UBL3: variants seen among roughly 807,000 people sequenced by gnomAD.
UBL3 encodes the protein ubiquitin-like protein 3.
In UBL3, 6 loss-of-function variants were observed where a neutral mutation model predicts 18.4. That is an observed-to-expected ratio of 0.33 (90% CI 0.18 to 0.64). The LOEUF (loss-of-function observed/expected upper bound fraction) is 0.64, where lower values mean the gene tolerates loss of function less well. Ranked by LOEUF, UBL3 falls within the 30% of genes least tolerant of loss-of-function variation. The pLI is 0.76. For missense variants in UBL3, 109 were observed against 142.9 expected, an observed-to-expected ratio of 0.76 and a Z score of 1.21; for synonymous variants, 49 against 46.6, an observed-to-expected ratio of 1.05 and a Z score of -0.21.
At chr13:29,807,858 A>C (rs1877935503) in intron 1 of UBL3, among the ~76,000 whole-genome samples, 1 of 152,234 alleles carries the variant, frequency 6.6e-6, no homozygotes, top group African/African-American at 2.4e-5. Flanking sequence ...GGGAGGTAAC[A>C]ATATGGATGA....
intron 1 of UBL3, among the ~76,000 whole-genome samples, chr13:29,784,240 G>A (rs1877250106): frequency 6.6e-6 from 1 of 152,046 alleles, no homozygotes; most frequent in African/African-American, 2.4e-5. Context: ...AAAGAAAGAG[G>A]GAGGATGGAA....
intron 1 of UBL3, among the ~76,000 whole-genome samples, chr13:29,813,794 C>A (rs1002178075): frequency 1.3e-5 from 2 of 151,968 alleles, no homozygotes; most frequent in African/African-American, 2.4e-5. Context: ...GTATTCAATT[C>A]CTCAAACTGC....
At chr13:29,805,643 A>T (rs192617965) in intron 1 of UBL3, among the ~76,000 whole-genome samples, 35 of 152,344 alleles carry the variant, frequency 2.3e-4, no homozygotes, top group Admixed American at 1.1e-3. Context: ...TTGCCCTCCC[A>T]TATTTTTAAT....
At chr13:29,805,136 A>G (rs1393531811) in intron 1 of UBL3, among the ~76,000 whole-genome samples, 3 of 152,248 alleles carry the variant, frequency 2.0e-5, no homozygotes, top group Non-Finnish European at 4.4e-5. Context: ...ACAACTCTCT[A>G]AAGAGACTAC....
chr13:29,818,933 G>A (rs543824634), intron 1 of UBL3, among the ~76,000 whole-genome samples: 1 of 152,092 alleles, frequency 6.6e-6, no homozygotes, highest in African/African-American at 2.4e-5. Context: ...GATAATATTA[G>A]GTAATTGCTG....
At chr13:29,828,903 C>T (rs1412989431) in intron 1 of UBL3, among the ~76,000 whole-genome samples, 1 of 152,194 alleles carries the variant, frequency 6.6e-6, no homozygotes, top group African/African-American at 2.4e-5. Flanking sequence ...AGTCAGGACC[C>T]TCAGCGGAAG....
At chr13:29,786,943 A>G (rs1877336706) in intron 1 of UBL3, among the ~76,000 whole-genome samples, 3 of 152,140 alleles carry the variant, frequency 2.0e-5, no homozygotes, top group Admixed American at 1.3e-4. Context: ...ACAACATATC[A>G]TTTACTTGGA....
In UBL3 at chr13:29,842,181, G is replaced by A. The variant is rs528064780; in HGVS notation, c.27+7331C>T. ...TTTAGAGACAGAGTCTTACTCTGTC[G>A]CCCAGGCTGGAGTGCAGTGGCGCAA... On this transcript the variant is annotated intron_variant, in intron 1 of 4. Transcript: ENST00000380680. Among the ~76,000 whole-genome samples the A allele has an allele frequency of 6.6e-5, 9 of 137,212 alleles. No homozygotes were observed. In the South Asian group the frequency reaches 6.8e-4, roughly 10 times the overall value. 90.0% of individuals were successfully genotyped at this position (137,212 alleles called of 152,430 possible).
chr13:29,798,501 A>G (rs1386674904), intron 1 of UBL3, among the ~76,000 whole-genome samples: 1 of 152,168 alleles, frequency 6.6e-6, no homozygotes, highest in African/African-American at 2.4e-5. Flanking sequence ...ATGCAGCTCT[A>G]AAAAAGAAGA....
At chr13:29,770,224 A>G (rs1359030375) in intron 3 of UBL3, among the ~76,000 whole-genome samples, 2 of 152,066 alleles carry the variant, frequency 1.3e-5, no homozygotes, top group African/African-American at 2.4e-5. Context: ...GGAGGCTAAA[A>G]AGAAAAACTG....
intron 1 of UBL3, among the ~76,000 whole-genome samples, chr13:29,820,204 T>C (rs2139348644): frequency 6.7e-6 from 1 of 148,790 alleles, no homozygotes; most frequent in East Asian, 2.0e-4. Flanking sequence ...AGATGGAGTC[T>C]TGCTCTGTCA....
At chr13:29,788,509 A>G (rs987181936) in intron 1 of UBL3, among the ~76,000 whole-genome samples, 3 of 152,164 alleles carry the variant, frequency 2.0e-5, no homozygotes, top group African/African-American at 7.2e-5. Context: ...TTGTTCCAGC[A>G]TACTTCGATG....
At chr13:29,835,510 A>G (rs1878938456) in intron 1 of UBL3, among the ~76,000 whole-genome samples, 1 of 150,034 alleles carries the variant, frequency 6.7e-6, no homozygotes, top group Non-Finnish European at 1.5e-5. Flanking sequence ...GGTGGCTCCC[A>G]CTTTGGGAGG....
At chr13:29,788,868 TGTGC>T (rs1400395686) in intron 1 of UBL3, among the ~76,000 whole-genome samples, 2 of 20,466 alleles carry the variant, frequency 9.8e-5, no homozygotes, top group African/African-American at 1.7e-4. Flanking sequence ...TGTGTGTGTG[TGTGC>T]GCGCGCGCGC....
intron 1 of UBL3, among the ~76,000 whole-genome samples, chr13:29,807,954 T>G (rs1221350537): frequency 6.6e-6 from 1 of 152,184 alleles, no homozygotes; most frequent in Non-Finnish European, 1.5e-5. Flanking sequence ...CGTATTACAA[T>G]AGTCTATTTT....
At chr13:29,842,033 A>G (rs1249466516) in intron 1 of UBL3, among the ~76,000 whole-genome samples, 2 of 151,924 alleles carry the variant, frequency 1.3e-5, no homozygotes, top group Non-Finnish European at 2.9e-5. Flanking sequence ...GAAAGACCCA[A>G]TTACTAACCC....
intron 1 of UBL3, among the ~76,000 whole-genome samples, chr13:29,781,647 T>C (rs1877177611): frequency 6.6e-6 from 1 of 151,828 alleles, no homozygotes; most frequent in Non-Finnish European, 1.5e-5. Flanking sequence ...ATGGGAAATC[T>C]CTGCCACCTT....
chr13:29,786,535 CAAGA>C (rs1397544791), intron 1 of UBL3, among the ~76,000 whole-genome samples: 2 of 152,124 alleles, frequency 1.3e-5, no homozygotes, highest in Admixed American at 6.5e-5. Context: ...CTGGAGAAGT[CAAGA>C]AAGGATTTCT....
chr13:29,771,289 T>A (rs541033912), intron 3 of UBL3, among the ~76,000 whole-genome samples: 1 of 152,160 alleles, frequency 6.6e-6, no homozygotes, highest in South Asian at 2.1e-4. Flanking sequence ...TTTCCAATTA[T>A]CTGAATATAT....
Sources: allele counts gnomAD v4.1 joint callset (sites outside exome capture counted in the v4.1 genomes callset), GRCh38; gene constraint gnomAD v4.1.1; transcripts MANE v1.5; gene names NCBI Gene and HGNC (gene_info 2026-07-23, HGNC 2026-07-21).